The following PRORP variants were observed in gnomAD, a reference collection of about 807,000 sequenced individuals.
The protein encoded by PRORP is mitochondrial ribonuclease P catalytic subunit.
In PRORP, 51 loss-of-function variants were observed where a neutral mutation model predicts 59.4. The ratio of observed to expected loss-of-function variants is 0.86; its 90% CI spans 0.69 to 1.08. The LOEUF is 1.08. PRORP is among the 50% of genes least tolerant of loss of function. The pLI, the probability that PRORP is intolerant of heterozygous loss-of-function variation, is 0.00. For synonymous variants in PRORP, 231 were observed against 245.6 expected, an observed-to-expected ratio of 0.94 and a Z score of 0.55; for missense variants, 646 against 690.3, an observed-to-expected ratio of 0.94 and a Z score of 0.72.
At chr14:35,181,352 C>A (rs6571702) in intron 5 of PRORP, among the ~76,000 whole-genome samples, 61,291 of 151,942 alleles carry the variant, frequency 0.4, 12,844 homozygotes, top group East Asian at 0.69. Context: ...AAAATTGAGG[C>A]TAATTTTGTA....
intron 5 of PRORP, among the ~76,000 whole-genome samples, chr14:35,252,098 A>G (rs2050629826): frequency 6.6e-6 from 1 of 152,202 alleles, no homozygotes; most frequent in South Asian, 2.1e-4. Flanking sequence ...TCTACCAGAA[A>G]GTGCATTTTG....
intron 4 of PRORP, among the ~76,000 whole-genome samples, chr14:35,147,170 A>T (rs182068540): frequency 4.5e-4 from 68 of 152,286 alleles, no homozygotes; most frequent in African/African-American, 1.2e-3. Context: ...TGTCTAAAAA[A>T]ATATATATAG....
chr14:35,219,031 A>G (rs1411870033), intron 5 of PRORP: 1 of 152,172 alleles, frequency 6.6e-6, no homozygotes, highest in East Asian at 1.9e-4. Context: ...GGTTAGGGCC[A>G]TTTCTTGGTA....
chr14:35,240,844 A>T (rs1190494091), intron 5 of PRORP, among the ~76,000 whole-genome samples: 2 of 152,158 alleles, frequency 1.3e-5, no homozygotes, highest in Non-Finnish European at 2.9e-5. Context: ...GAGCACTTGA[A>T]ATGTGGCTGA....
intron 5 of PRORP, among the ~76,000 whole-genome samples, chr14:35,208,256 A>T (rs545210194): frequency 7.4e-4 from 112 of 152,080 alleles, no homozygotes; most frequent in African/African-American, 2.5e-3. Flanking sequence ...GACCAGTGAC[A>T]TTCTAGATTA....
intron 5 of PRORP, among the ~76,000 whole-genome samples, chr14:35,198,938 AG>A (rs2049074179): frequency 6.6e-6 from 1 of 152,182 alleles, no homozygotes; most frequent in African/African-American, 2.4e-5. Context: ...AGGCCGAGGC[AG>A]GTGGATCACC....
At chr14:35,186,068 A>C (rs2048733040) in intron 5 of PRORP, among the ~76,000 whole-genome samples, 2 of 152,090 alleles carry the variant, frequency 1.3e-5, no homozygotes, top group Non-Finnish European at 2.9e-5. Context: ...GGGGACTATA[A>C]AGTCCCTGGG....
At chr14:35,257,279 C>T (rs2050785355) in intron 5 of PRORP, among the ~76,000 whole-genome samples, 1 of 152,162 alleles carries the variant, frequency 6.6e-6, no homozygotes, top group African/African-American at 2.4e-5. Context: ...TGTTGTCGTG[C>T]AACTGTTGCC....
intron 5 of PRORP, among the ~76,000 whole-genome samples, chr14:35,213,659 C>T (rs1284540686): frequency 6.6e-6 from 1 of 151,936 alleles, no homozygotes; most frequent in Non-Finnish European, 1.5e-5. Flanking sequence ...ATTATTATGT[C>T]TTGGGGAAAG....
rs4981278 is a variant in PRORP, at chr14:35,238,733, G to C, written c.1276-27994G>C. Among the ~76,000 whole-genome samples the C allele has an allele frequency of 2.6e-5, 4 of 152,030 alleles. No individual in the cohort carries two copies. The South Asian group carries it at 8.3e-4, about 32-fold the overall frequency. On this transcript the variant is annotated intron_variant, in intron 5 of 7. Transcript: ENST00000534898. ...GCACATAGCCATTCTAAGTTAACAC[G>C]TCTTTTTTTCTCTGCATTTTATCTG...
At chr14:35,165,881 T>C (rs189668320) in intron 4 of PRORP, among the ~76,000 whole-genome samples, 159 of 152,280 alleles carry the variant, frequency 1.0e-3, no homozygotes, top group Non-Finnish European at 1.8e-3. Context: ...GGTTTCACCA[T>C]GTTGGCCAGG....
At chr14:35,180,804 C>T in intron 5 of PRORP, 27 bp downstream of exon 5, 3 of 1,374,474 alleles carry the variant, frequency 2.2e-6, no homozygotes, top group Non-Finnish European at 3.1e-6. Flanking sequence ...CTTTGTTATT[C>T]CACATCTCTA....
At chr14:35,129,243 T>G (rs779150275) in intron 4 of PRORP, among the ~76,000 whole-genome samples, 1 of 152,060 alleles carries the variant, frequency 6.6e-6, no homozygotes, top group Non-Finnish European at 1.5e-5. Context: ...TTGTTTATTT[T>G]AAGTTTTTCT....
At chr14:35,178,346 A>G (rs555327186) in intron 4 of PRORP, among the ~76,000 whole-genome samples, 1 of 152,308 alleles carries the variant, frequency 6.6e-6, no homozygotes, top group East Asian at 1.9e-4. Context: ...GTGGAGTGTT[A>G]AAGTCTCCCA....
At chr14:35,160,842 G>T (rs1469218048) in intron 4 of PRORP, among the ~76,000 whole-genome samples, 4 of 152,148 alleles carry the variant, frequency 2.6e-5, no homozygotes, top group Non-Finnish European at 5.9e-5. Context: ...TGCACTACAG[G>T]CAATCCTCAG....
intron 5 of PRORP, among the ~76,000 whole-genome samples, chr14:35,211,775 G>A (rs2049453889): frequency 6.6e-6 from 1 of 152,158 alleles, no homozygotes; most frequent in Non-Finnish European, 1.5e-5. Flanking sequence ...GCTGCTGATA[G>A]GGTGGTTGTT....
At chr14:35,192,074 A>G (rs2048896977) in intron 5 of PRORP, among the ~76,000 whole-genome samples, 2 of 152,126 alleles carry the variant, frequency 1.3e-5, no homozygotes, top group African/African-American at 4.8e-5. Flanking sequence ...TTAGAATAAA[A>G]TCCAAGTTCC....
chr14:35,150,009 C>T lies in PRORP; in HGVS notation c.1167+22398C>T, dbSNP rs537622714. On this transcript the variant is annotated intron_variant, in intron 4 of 7. Transcript: ENST00000534898. Reference sequence around the variant, plus strand: ...GCTGGGGATTACAGGCATGTGTCACCACACCGGCTAATTTTTAGTAGAGAT... The same window carrying T: ...GCTGGGGATTACAGGCATGTGTCACTACACCGGCTAATTTTTAGTAGAGAT... Among the ~76,000 whole-genome samples, 10 of 152,250 alleles carry T rather than the reference C, an allele frequency of 6.6e-5. No individual in the cohort carries two copies. The South Asian group carries it at 1.0e-3, about 16-fold the overall frequency.
intron 4 of PRORP, among the ~76,000 whole-genome samples, chr14:35,174,677 C>G (rs58764649): frequency 6.6e-6 from 1 of 151,456 alleles, no homozygotes; most frequent in Non-Finnish European, 1.5e-5. Flanking sequence ...GAGTGGCATA[C>G]CTAAGGTTCA....
Sources: gnomAD v4.1 joint callset for allele counts (sites outside exome capture counted in the v4.1 genomes callset) on GRCh38, gnomAD v4.1.1 for gene constraint, MANE v1.5 for transcripts, NCBI Gene and HGNC (gene_info 2026-07-23, HGNC 2026-07-21) for gene names.